The following COL11A1 variants were observed in gnomAD, a reference collection of about 807,000 sequenced individuals.
The protein encoded by COL11A1 is collagen type XI alpha 1 chain.
In COL11A1, 74 loss-of-function variants were observed where a neutral mutation model predicts 265.2. The observed-to-expected ratio is 0.28, with a 90% CI of 0.23 to 0.34. The LOEUF (loss-of-function observed/expected upper bound fraction) is 0.34, where lower values mean the gene tolerates loss of function less well. Ranked by LOEUF, COL11A1 falls within the 10% of genes least tolerant of loss-of-function variation. COL11A1 has a pLI of 1.00. For synonymous variants in COL11A1, 816 were observed against 727.6 expected, an observed-to-expected ratio of 1.12 and a Z score of -1.96; for missense variants, 2,165 against 2,263.6, an observed-to-expected ratio of 0.96 and a Z score of 0.88.
intron 1 of COL11A1, among the ~76,000 whole-genome samples, chr1:103,098,340 G>A (rs1673957294): frequency 6.6e-6 from 1 of 151,876 alleles, no homozygotes; most frequent in African/African-American, 2.4e-5. Context: ...AGTTATACAA[G>A]CCAGATACAT....
At chr1:102,910,627 A>G (rs116311086) in intron 54 of COL11A1, among the ~76,000 whole-genome samples, 2,411 of 152,234 alleles carry the variant, frequency 0.016, 52 homozygotes, top group African/African-American at 0.055. Context: ...GTGTTTAATA[A>G]CTATGCCATA....
intron 4 of COL11A1, among the ~76,000 whole-genome samples, chr1:103,058,966 A>G (rs1249148860): frequency 2.6e-5 from 4 of 152,162 alleles, no homozygotes; most frequent in Admixed American, 1.3e-4. Context: ...TATAATAATA[A>G]TAAAAAGTTT....
chr1:102,915,744 A>T, intron 49 of COL11A1, 60 bp from the exon 50 acceptor site: 1 of 1,300,832 alleles, frequency 7.7e-7, no homozygotes, highest in Non-Finnish European at 1.1e-6. Context: ...CATTTATAAA[A>T]TTCAAATGTT....
intron 4 of COL11A1, among the ~76,000 whole-genome samples, chr1:103,062,317 T>G (rs557268504): frequency 6.6e-6 from 1 of 151,918 alleles, no homozygotes; most frequent in Non-Finnish European, 1.5e-5. Flanking sequence ...GGAATATTAC[T>G]AACTGATCTT....
chr1:102,959,537 C>T (rs1660691365), intron 41 of COL11A1, among the ~76,000 whole-genome samples: 1 of 152,122 alleles, frequency 6.6e-6, no homozygotes, highest in Non-Finnish European at 1.5e-5. Flanking sequence ...GTTTGTATGT[C>T]ATTAGGCATT....
chr1:102,993,997 T>G (rs758084599), intron 28 of COL11A1, among the ~76,000 whole-genome samples: 3 of 152,202 alleles, frequency 2.0e-5, no homozygotes, highest in Admixed American at 6.5e-5. Context: ...GTAGGTGAGC[T>G]AATGTGAAAT....
intron 1 of COL11A1, among the ~76,000 whole-genome samples, chr1:103,106,072 A>G (rs1674667427): frequency 6.6e-6 from 1 of 152,156 alleles, no homozygotes; most frequent in Non-Finnish European, 1.5e-5. Flanking sequence ...TTTTCCCACC[A>G]TTTATTTGAT....
At position 102,898,749 on chromosome 1, in the gene COL11A1, G is replaced by A; in HGVS notation, c.4165C>T (p.Pro1389Ser). The change falls in exon 56 of 67, where the codon CCT becomes TCT. Residue 1389 changes from proline to serine, a missense_variant. Pro to Ser is a moderately conservative substitution (Grantham distance 74, BLOSUM62 -1). Coordinates refer to ENST00000370096, the MANE Select transcript of COL11A1 (RefSeq NM_001854.4). ...AKGEAGAEGP[P>S]GKTGPVGPQG... is the part of the protein sequence containing the mutation. ...GGACCGACTGGGCCGGTTTTTCCAGGAGGACCTTCTGCACCTGCTTCCCCC... is the reference window on the plus strand; with the variant it reads ...GGACCGACTGGGCCGGTTTTTCCAGAAGGACCTTCTGCACCTGCTTCCCCC... The A allele has an allele frequency of 6.2e-7, 1 of 1,613,258 alleles. No homozygotes were observed. The highest frequency in any genetic ancestry group is 8.5e-7 in the Non-Finnish European group (1 of 1,179,558).
intron 7 of COL11A1, among the ~76,000 whole-genome samples, 185 bp from the exon 8 acceptor site, chr1:103,023,181 T>A (rs562533610): frequency 3.1e-4 from 47 of 152,284 alleles, no homozygotes; most frequent in African/African-American, 1.1e-3. Flanking sequence ...TACATTGCTA[T>A]GTACAAAGAG....
rs36076089 is a variant in COL11A1 at position 103,031,249 on chromosome 1, G to GAAAA, written c.652-9_652-6dup. ...CAAAAACTGCTGAATGTCCCCCTGG[G>GAAAA]AAAAAAAAAAAAACAAAAACAAACA... is the stretch of plus-strand genomic sequence containing the variant. On this transcript the variant is annotated splice_polypyrimidine_tract_variant and splice_region_variant and intron_variant, in intron 4 of 66. Transcript: ENST00000370096. 7.9e-4 allele frequency: 1,071 copies of GAAAA among 1,362,018 alleles called. No individual in the cohort carries two copies. The highest frequency in any genetic ancestry group is 2.6e-3 in the African/African-American group (178 of 69,522). 84.4% of individuals were successfully genotyped at this position (1,362,018 alleles called of 1,614,324 possible).
Position 102,886,997 on chromosome 1 carries a change from T to C in COL11A1, c.4668A>G (p.Arg1556=), listed in dbSNP as rs746514624. ...CATCTGCTTGCATGCCTTCAGTATG[T>C]CTTCTCGTTTTTTTGGAGGACAAGA... ...LPILSSKKTR[R]HTEGMQADAD... The change falls in exon 63 of 67, where the codon AGA becomes AGG. Residue 1556 remains arginine, a synonymous_variant. Transcript: ENST00000370096. The C allele has an allele frequency of 4.3e-6, 7 of 1,613,946 alleles. No individual in the cohort carries two copies. The South Asian group carries it at 5.5e-5, about 13-fold the overall frequency.
intron 41 of COL11A1, among the ~76,000 whole-genome samples, chr1:102,957,220 A>T: frequency 6.6e-6 from 1 of 152,116 alleles, no homozygotes; most frequent in Non-Finnish European, 1.5e-5. Context: ...TGCTAAATAT[A>T]CTTATAAATG....
At chr1:103,104,931 G>T (rs556318384) in intron 1 of COL11A1, among the ~76,000 whole-genome samples, 1 of 152,206 alleles carries the variant, frequency 6.6e-6, no homozygotes, top group African/African-American at 2.4e-5. Flanking sequence ...CTGATCCTGG[G>T]CACTCAAAAC....
chr1:103,049,647 G>T (rs1383826218), intron 4 of COL11A1, among the ~76,000 whole-genome samples: 1 of 152,140 alleles, frequency 6.6e-6, no homozygotes. Context: ...CCATTATGAT[G>T]TCAGCTGGCT....
chr1:103,071,607 T>C (rs1254673214), intron 4 of COL11A1, among the ~76,000 whole-genome samples: 1 of 151,032 alleles, frequency 6.6e-6, no homozygotes, highest in African/African-American at 2.4e-5. Flanking sequence ...CAAGGTAATT[T>C]GTAAAATTGC....
At chr1:103,004,280 G>A (rs1484044249) in intron 20 of COL11A1, among the ~76,000 whole-genome samples, 164 bp downstream of exon 20, 1 of 152,016 alleles carries the variant, frequency 6.6e-6, no homozygotes, top group Non-Finnish European at 1.5e-5. Flanking sequence ...AACAAAAGGA[G>A]CTCTATATAT....
intron 54 of COL11A1, among the ~76,000 whole-genome samples, chr1:102,900,473 G>T (rs1653044772): frequency 1.3e-5 from 2 of 152,024 alleles, no homozygotes; most frequent in Non-Finnish European, 2.9e-5. Flanking sequence ...TAGAAATAAT[G>T]ACATTCAATG....
At chr1:102,948,513 A>G (rs1429728963) in intron 41 of COL11A1, among the ~76,000 whole-genome samples, 1 of 152,014 alleles carries the variant, frequency 6.6e-6, no homozygotes, top group East Asian at 1.9e-4. Context: ...ATAATTAAGG[A>G]AATTGTGAAA....
Position 103,014,039 on chromosome 1 carries a change from CT to C in COL11A1, c.1572+471del, listed in dbSNP as rs1666349025. The stretch of plus-strand genomic sequence containing the variant: ...GGGTTGGTAAGAAATTTGAAGGTTT[CT>C]TTTTTATATATGATGCCCAAAAAAT... On this transcript the variant is annotated intron_variant, in intron 13 of 66. Coordinates refer to ENST00000370096, the MANE Select transcript of COL11A1 (RefSeq NM_001854.4). 2.6e-5 allele frequency among the ~76,000 whole-genome samples: 4 copies of C among 151,880 alleles called. No homozygotes were observed. In the South Asian group the frequency reaches 8.3e-4, roughly 31 times the overall value.
Sources: allele counts gnomAD v4.1 joint callset (sites outside exome capture counted in the v4.1 genomes callset), GRCh38; gene constraint gnomAD v4.1.1; transcripts MANE v1.5; gene names NCBI Gene and HGNC (gene_info 2026-07-23, HGNC 2026-07-21).